The following PRELID2 variants were observed in gnomAD, a reference collection of about 807,000 sequenced individuals.
PRELID2 encodes PRELI domain containing 2.
Under a neutral mutation model 28.4 loss-of-function variants are expected in PRELID2, and 25 were observed. The observed-to-expected ratio is 0.88, with a 90% CI of 0.64 to 1.23. The LOEUF (loss-of-function observed/expected upper bound fraction) is 1.23, where lower values mean the gene tolerates loss of function less well. Ranked by LOEUF, PRELID2 falls within the 50% of genes most tolerant of loss-of-function variation. The pLI, the probability that PRELID2 is intolerant of heterozygous loss-of-function variation, is 0.00. For synonymous variants in PRELID2, 76 were observed against 71.6 expected (o/e 1.06, Z -0.31); for missense variants, 201 against 214.4 (o/e 0.94, Z 0.39).
intron 1 of PRELID2, among the ~76,000 whole-genome samples, chr5:145,633,646 G>C (rs762915173): frequency 1.8e-4 from 27 of 152,180 alleles, no homozygotes; most frequent in Admixed American, 3.9e-4. Flanking sequence ...CATGCTGTTT[G>C]CTATTTTGAT....
At chr5:145,811,580 G>C (rs902260248) in intron 4 of PRELID2, among the ~76,000 whole-genome samples, 1 of 152,156 alleles carries the variant, frequency 6.6e-6, no homozygotes, top group South Asian at 2.1e-4. Context: ...GCCATGCCTG[G>C]AGCAGAGGTA....
intron 1 of PRELID2, among the ~76,000 whole-genome samples, chr5:145,548,601 G>C (rs1752806843): frequency 6.6e-6 from 1 of 152,062 alleles, no homozygotes; most frequent in Non-Finnish European, 1.5e-5. Context: ...CATCATTTCT[G>C]TTGAGCCCAC....
chr5:145,652,082 A>G (rs947622856), intron 1 of PRELID2, among the ~76,000 whole-genome samples: 13 of 152,222 alleles, frequency 8.5e-5, no homozygotes, highest in African/African-American at 3.1e-4. Context: ...GCTGAAAACC[A>G]TGGCACGAGA....
rs1332776415 is a variant in PRELID2 at position 145,539,691 on chromosome 5, C to T, written n.71-66376G>A. ...TGTATTTCCAAAAGTATTTATAATA[C>T]TGAATATCTAGTAAATAATAAATAA... On this transcript the variant is annotated intron_variant and non_coding_transcript_variant, in intron 1 of 2. Coordinates refer to the PRELID2 transcript ENST00000510259. Among the ~76,000 whole-genome samples, 3 of 151,556 alleles carry T rather than the reference C, an allele frequency of 2.0e-5. No homozygotes were observed. In the East Asian group the frequency reaches 5.8e-4, roughly 29 times the overall value.
the PRELID2 span, among the ~76,000 whole-genome samples, chr5:145,271,930 G>C: frequency 6.6e-6 from 1 of 152,010 alleles, no homozygotes; most frequent in Middle Eastern, 3.4e-3. Flanking sequence ...TGAATAGCAG[G>C]GCTTATTCCA....
At chr5:145,665,986 TAAAA>T (rs79255272) in intron 1 of PRELID2, among the ~76,000 whole-genome samples, 48 of 138,234 alleles carry the variant, frequency 3.5e-4, no homozygotes, top group African/African-American at 1.2e-3. Context: ...GTCTTTTTTT[TAAAA>T]AAAAAAAAAA....
chr5:145,637,518 A>AG (rs1190894220), intron 1 of PRELID2, among the ~76,000 whole-genome samples: 2 of 152,244 alleles, frequency 1.3e-5, no homozygotes, highest in East Asian at 1.9e-4. Flanking sequence ...GCCAAAAAAA[A>AG]AAAAGAAAAG....
chr5:145,618,990 C>T (rs1753737273), intron 1 of PRELID2, among the ~76,000 whole-genome samples: 1 of 152,088 alleles, frequency 6.6e-6, no homozygotes. Context: ...CAGGCCTCAC[C>T]CAGCTTCCAT....
the PRELID2 span, among the ~76,000 whole-genome samples, chr5:145,365,924 A>C: frequency 6.6e-6 from 1 of 152,064 alleles, no homozygotes; most frequent in South Asian, 2.1e-4. Flanking sequence ...AAAGTGAGTA[A>C]GTGGTTCTCT....
the PRELID2 span, among the ~76,000 whole-genome samples, chr5:145,235,240 G>A: frequency 1.2e-4 from 18 of 152,116 alleles, no homozygotes; most frequent in African/African-American, 4.1e-4. Flanking sequence ...AAAGGAAAGA[G>A]GGTCACAGGC....
At chr5:145,542,180 G>C (rs1283640788) in intron 1 of PRELID2, among the ~76,000 whole-genome samples, 1 of 151,896 alleles carries the variant, frequency 6.6e-6, no homozygotes, top group Non-Finnish European at 1.5e-5. Flanking sequence ...CCCACCTTTC[G>C]GTCTCCTCTG....
intron 1 of PRELID2, among the ~76,000 whole-genome samples, chr5:145,607,206 T>C (rs1414113647): frequency 6.6e-6 from 1 of 152,150 alleles, no homozygotes; most frequent in Non-Finnish European, 1.5e-5. Context: ...CCTGGATTGA[T>C]TGATCTTTTG....
the PRELID2 span, among the ~76,000 whole-genome samples, chr5:145,238,490 T>C: frequency 1.3e-5 from 2 of 152,158 alleles, no homozygotes; most frequent in Non-Finnish European, 2.9e-5. Context: ...AAAACCTAAA[T>C]GCATTTATTT....
At chr5:145,417,443 A>G in the PRELID2 span, among the ~76,000 whole-genome samples, 1 of 152,216 alleles carries the variant, frequency 6.6e-6, no homozygotes, top group African/African-American at 2.4e-5. Flanking sequence ...GAGATACAAG[A>G]AAAAAAGAAA....
chr5:145,731,484 T>G (rs1181926221), intron 1 of PRELID2, among the ~76,000 whole-genome samples: 1 of 152,216 alleles, frequency 6.6e-6, no homozygotes, highest in Non-Finnish European at 1.5e-5. Context: ...GAAAAAGCAC[T>G]GGATTTGGAG....
the PRELID2 span, among the ~76,000 whole-genome samples, chr5:145,336,075 T>A: frequency 6.6e-6 from 1 of 152,256 alleles, no homozygotes; most frequent in African/African-American, 2.4e-5. Context: ...TGTCTTCTTT[T>A]GAGAAGTGTC....
At chr5:145,412,609 T>C in the PRELID2 span, among the ~76,000 whole-genome samples, 1 of 152,206 alleles carries the variant, frequency 6.6e-6, no homozygotes, top group East Asian at 1.9e-4. Context: ...TTTTTCTGTC[T>C]TATTCTGAGT....
At chr5:145,532,074 T>C (rs756518686) in intron 1 of PRELID2, among the ~76,000 whole-genome samples, 1 of 152,140 alleles carries the variant, frequency 6.6e-6, no homozygotes, top group Non-Finnish European at 1.5e-5. Context: ...AAATGTCCGT[T>C]GGCATGATTA....
the PRELID2 span, among the ~76,000 whole-genome samples, chr5:145,269,816 TAGAA>T: frequency 6.7e-6 from 1 of 148,958 alleles, no homozygotes; most frequent in Non-Finnish European, 1.5e-5. Flanking sequence ...CCTAAATAAA[TAGAA>T]AGATATGCCA....
Sources: gnomAD v4.1 joint callset for allele counts (sites outside exome capture counted in the v4.1 genomes callset) on GRCh38, gnomAD v4.1.1 for gene constraint, MANE v1.5 for transcripts, NCBI Gene and HGNC (gene_info 2026-07-23, HGNC 2026-07-21) for gene names.